TBC1D5: variants seen among roughly 807,000 people sequenced by gnomAD.
TBC1D5 encodes the protein TBC1 domain family, member 5.
In TBC1D5, 75 loss-of-function variants were observed where a neutral mutation model predicts 100.3. The observed-to-expected ratio is 0.75, with a 90% CI of 0.62 to 0.91. TBC1D5 has a LOEUF of 0.91. Among genes scored for constraint, TBC1D5 ranks in the 40% least tolerant of loss-of-function variants. TBC1D5 has a pLI of 0.00. For missense variants in TBC1D5, 910 were observed against 942.4 expected, an observed-to-expected ratio of 0.97 and a Z score of 0.45; for synonymous variants, 323 against 325.6, an observed-to-expected ratio of 0.99 and a Z score of 0.09.
intron 3 of TBC1D5, among the ~76,000 whole-genome samples, chr3:17,483,695 T>C (rs780230185): frequency 2.0e-5 from 3 of 152,154 alleles, no homozygotes; most frequent in Non-Finnish European, 2.9e-5. Flanking sequence ...GAAGAAGGTA[T>C]AGAAATGTGT....
chr3:17,437,621 G>GGA (rs2094559902), intron 3 of TBC1D5, among the ~76,000 whole-genome samples: 3 of 82,138 alleles, frequency 3.7e-5, no homozygotes, highest in African/African-American at 1.4e-4. Flanking sequence ...AGAGACAGAG[G>GGA]TAGAGAGAGA....
chr3:17,223,900 AAAAAC>A (rs142249829), intron 17 of TBC1D5, among the ~76,000 whole-genome samples: 61,099 of 150,326 alleles, frequency 0.41, 13,103 homozygotes, highest in Middle Eastern at 0.49. Flanking sequence ...TCTGTCTCAA[AAAAAC>A]AAAACAAAAC....
At chr3:17,626,512 C>A (rs370392725) in intron 1 of TBC1D5, among the ~76,000 whole-genome samples, 7 of 151,996 alleles carry the variant, frequency 4.6e-5, no homozygotes, top group Admixed American at 4.6e-4. Flanking sequence ...GGACTTAGAC[C>A]CAAGTGAAAA....
At chr3:17,193,073 C>T (rs1281218512) in intron 18 of TBC1D5, among the ~76,000 whole-genome samples, 1 of 152,248 alleles carries the variant, frequency 6.6e-6, no homozygotes, top group Non-Finnish European at 1.5e-5. Flanking sequence ...AAAACCTCTA[C>T]ATTAAACAAT....
chr3:17,470,765 C>CA lies in TBC1D5; in HGVS notation c.97+37708dup, dbSNP rs1295829512. Among the ~76,000 whole-genome samples the CA allele has an allele frequency of 1.4e-4, 22 of 151,970 alleles. No homozygotes were observed. The East Asian group carries it at 2.9e-3, about 20-fold the overall frequency. On this transcript the variant is annotated intron_variant, in intron 3 of 21. Coordinates refer to ENST00000253692, the Ensembl canonical transcript of TBC1D5. ...TGAAACCCTGTATCTATTAAAAATA[C>CA]AAAAAAATCAGCCAGGTGTGGTGGC...
intron 13 of TBC1D5, among the ~76,000 whole-genome samples, chr3:17,326,204 A>C (rs1282310661): frequency 1.3e-5 from 2 of 152,218 alleles, no homozygotes; most frequent in Non-Finnish European, 2.9e-5. Context: ...GAGAACCTGA[A>C]ATAACTAATC....
intron 2 of TBC1D5, among the ~76,000 whole-genome samples, chr3:17,565,005 A>ACAAAAAT (rs1478354891): frequency 6.6e-6 from 1 of 151,952 alleles, no homozygotes; most frequent in Non-Finnish European, 1.5e-5. Flanking sequence ...CTACTAGAAA[A>ACAAAAAT]CAAAAAACAA....
intron 1 of TBC1D5, among the ~76,000 whole-genome samples, chr3:17,737,039 C>CT (rs1427354491): frequency 6.6e-6 from 1 of 152,020 alleles, no homozygotes; most frequent in African/African-American, 2.4e-5. Flanking sequence ...AAAAAAAACA[C>CT]TTCCCACCTG....
At chr3:17,603,155 G>GTTTTT (rs1224220563) in intron 2 of TBC1D5, among the ~76,000 whole-genome samples, 2 of 133,880 alleles carry the variant, frequency 1.5e-5, no homozygotes, top group African/African-American at 2.7e-5. Flanking sequence ...AAGTTTTTTG[G>GTTTTT]TTTTTTTTTT....
At chr3:17,316,341 A>G (rs1459824413) in intron 13 of TBC1D5, among the ~76,000 whole-genome samples, 2 of 152,338 alleles carry the variant, frequency 1.3e-5, no homozygotes, top group Non-Finnish European at 2.9e-5. Flanking sequence ...TAAAACAGTG[A>G]AACTGAGATT....
At chr3:17,531,034 A>G (rs919020325) in intron 2 of TBC1D5, among the ~76,000 whole-genome samples, 76 of 152,306 alleles carry the variant, frequency 5.0e-4, no homozygotes, top group African/African-American at 1.4e-3. Flanking sequence ...GGAAAACAGG[A>G]AGTCAAATTG....
Position 17,630,898 on chromosome 3 carries a change from G to C in TBC1D5, c.-100-6985C>G, listed in dbSNP as rs935930346. On this transcript the variant is annotated intron_variant, in intron 1 of 21. Transcript: ENST00000253692. ...AAAATACAAAAAAAAAAAAAAAATA[G>C]CCGGGTGTGGTTGCGGGGGCCTGTA... Among the ~76,000 whole-genome samples, 15 of 133,066 alleles carry C rather than the reference G, an allele frequency of 1.1e-4. No homozygotes were observed. In the East Asian group the frequency reaches 2.5e-3, roughly 22 times the overall value. 87.3% of individuals were successfully genotyped at this position (133,066 alleles called of 152,430 possible).
At chr3:17,377,451 A>G (rs2092754568) in intron 9 of TBC1D5, among the ~76,000 whole-genome samples, 1 of 152,090 alleles carries the variant, frequency 6.6e-6, no homozygotes, top group South Asian at 2.1e-4. Context: ...AAGCATCGAA[A>G]AACATTTCAG....
intron 1 of TBC1D5, among the ~76,000 whole-genome samples, chr3:17,693,033 G>A (rs1222248961): frequency 2.6e-5 from 4 of 152,204 alleles, no homozygotes; most frequent in African/African-American, 9.6e-5. Flanking sequence ...CCCTGGGAGT[G>A]TAAAGTCCTC....
intron 19 of TBC1D5, among the ~76,000 whole-genome samples, chr3:17,168,467 G>T (rs964688947): frequency 2.0e-5 from 3 of 152,094 alleles, no homozygotes; most frequent in African/African-American, 7.2e-5. Flanking sequence ...TGACCATCAG[G>T]CGCAGCATCA....
Position 17,569,486 on chromosome 3 carries a change from T to C in TBC1D5, c.-36+54363A>G, listed in dbSNP as rs562472210. ...ATATAAATGATTATAATAGCCTATA[T>C]TATGTTTAGCCCATGAGGCATATGG... On this transcript the variant is annotated intron_variant, in intron 2 of 21. Coordinates refer to ENST00000253692, the Ensembl canonical transcript of TBC1D5. Among the ~76,000 whole-genome samples the C allele has an allele frequency of 3.9e-5, 6 of 151,944 alleles. No homozygotes were observed. In the South Asian group the frequency reaches 1.2e-3, roughly 32 times the overall value.
intron 15 of TBC1D5, among the ~76,000 whole-genome samples, chr3:17,262,193 C>T (rs2078370486): frequency 1.3e-5 from 2 of 152,300 alleles, no homozygotes; most frequent in South Asian, 4.1e-4. Context: ...TAGCTTATTA[C>T]ACACCTAGGT....
At chr3:17,271,774 T>C (rs1252534185) in intron 15 of TBC1D5, among the ~76,000 whole-genome samples, 1 of 152,208 alleles carries the variant, frequency 6.6e-6, no homozygotes, top group Non-Finnish European at 1.5e-5. Context: ...TGAGGTATGT[T>C]CCTTCAATGC....
At chr3:17,696,462 C>T (rs981843193) in intron 1 of TBC1D5, among the ~76,000 whole-genome samples, 2 of 152,186 alleles carry the variant, frequency 1.3e-5, no homozygotes, top group Non-Finnish European at 2.9e-5. Flanking sequence ...TCAGAGGATA[C>T]TATAAACACC....
Sources: allele counts gnomAD v4.1 joint callset (sites outside exome capture counted in the v4.1 genomes callset), GRCh38; gene constraint gnomAD v4.1.1; transcripts MANE v1.5; gene names NCBI Gene and HGNC (gene_info 2026-07-23, HGNC 2026-07-21).